Variants in LDLRAD4 observed in about 807,000 individuals in gnomAD.
LDLRAD4 encodes the protein low density lipoprotein receptor class A domain containing 4.
LDLRAD4 carries 5 observed loss-of-function variants against 17.0 expected under a neutral mutation model. That is an observed-to-expected ratio of 0.29 (90% CI 0.15 to 0.62). The LOEUF (loss-of-function observed/expected upper bound fraction) is 0.62. Among genes scored for constraint, LDLRAD4 ranks in the 20% least tolerant of loss-of-function variants. The pLI is 0.84. For missense variants in LDLRAD4, 340 were observed against 424.7 expected (o/e 0.80, Z 1.75); for synonymous variants, 168 against 171.8 (o/e 0.98, Z 0.17).
At chr18:13,635,571 T>C (rs1481828585) in intron 4 of LDLRAD4, among the ~76,000 whole-genome samples, 2 of 152,198 alleles carry the variant, frequency 1.3e-5, no homozygotes, top group Admixed American at 1.3e-4. Flanking sequence ...TGCAAATGTT[T>C]TGGTGTCAAG....
At position 13,622,251 on chromosome 18, in the gene LDLRAD4, C is replaced by T. The variant is rs908972985; in HGVS notation, c.336+980C>T. ...GGCCCTGGGACCCCTCTCAGGAGTGCAGGCTCACACTTCACTAGGATCATT... is the reference window on the plus strand; with the variant it reads ...GGCCCTGGGACCCCTCTCAGGAGTGTAGGCTCACACTTCACTAGGATCATT... On this transcript the variant is annotated intron_variant, in intron 4 of 5. Coordinates refer to ENST00000359446, the Ensembl canonical transcript of LDLRAD4. This position sits in a 1 kb window ranked among gnomAD's most constrained non-coding sequence, Gnocchi z 5.3. 1.3e-5 allele frequency among the ~76,000 whole-genome samples: 2 copies of T among 152,092 alleles called. No homozygotes were observed. Among genetic ancestry groups the T allele is most frequent in the African/African-American group, 4.8e-5 (2 of 41,416 alleles).
intron 3 of LDLRAD4, among the ~76,000 whole-genome samples, chr18:13,509,368 C>G (rs2093743028): frequency 1.3e-5 from 2 of 152,172 alleles, no homozygotes; most frequent in Admixed American, 1.3e-4. Flanking sequence ...TCCACCCCTC[C>G]TGGATGACTC....
chr18:13,627,852 G>A (rs1363183455), intron 4 of LDLRAD4, among the ~76,000 whole-genome samples: 1 of 152,258 alleles, frequency 6.6e-6, no homozygotes, highest in Non-Finnish European at 1.5e-5. Flanking sequence ...TGGCCAGAGG[G>A]CAGACGGTCC....
rs143273001 is a variant in LDLRAD4, at chr18:13,524,902, C to T, written c.181+86518C>T. 3.6e-4 allele frequency among the ~76,000 whole-genome samples: 55 copies of T among 152,302 alleles called. No individual in the cohort carries two copies. In the East Asian group the frequency reaches 9.8e-3, roughly 27 times the overall value. On this transcript the variant is annotated intron_variant, in intron 3 of 5. Transcript: ENST00000359446. Reference sequence around the variant, plus strand: ...AGAATTAAAATGCCAACTAAGTTGGCGTGTGTCACTCTCCATCTCGCCCCA... The same window carrying T: ...AGAATTAAAATGCCAACTAAGTTGGTGTGTGTCACTCTCCATCTCGCCCCA...
At chr18:13,226,483 C>A (rs938240041) in intron 1 of LDLRAD4, among the ~76,000 whole-genome samples, 3 of 151,756 alleles carry the variant, frequency 2.0e-5, no homozygotes, top group African/African-American at 7.2e-5. Context: ...CTTGTCAATG[C>A]CGAATATTAT....
intron 3 of LDLRAD4, among the ~76,000 whole-genome samples, chr18:13,547,554 C>T (rs11661055): frequency 0.24 from 36,705 of 152,126 alleles, 5,168 homozygotes; most frequent in East Asian, 0.4. Flanking sequence ...CTGTCAAGGG[C>T]GAGCCAGGTG....
chr18:13,460,602 A>G (rs1004916855), intron 3 of LDLRAD4, among the ~76,000 whole-genome samples: 1 of 152,202 alleles, frequency 6.6e-6, no homozygotes, highest in African/African-American at 2.4e-5. Context: ...GAAAAAGAAA[A>G]TTCTTCATAT....
rs553653057 is a variant in LDLRAD4 at position 13,404,336 on chromosome 18, A to T, written c.40+16574A>T. Among the ~76,000 whole-genome samples, 14 of 152,204 alleles carry T rather than the reference A, an allele frequency of 9.2e-5. No individual in the cohort carries two copies. The East Asian group carries it at 2.7e-3, about 30-fold the overall frequency. On this transcript the variant is annotated intron_variant, in intron 2 of 5. Coordinates refer to ENST00000359446, the Ensembl canonical transcript of LDLRAD4. ...TGTGCACGGGACACTCGGAGGCCGG[A>T]TGCTCAACAGAGTGGAGTGCCGCGA... is the stretch of plus-strand genomic sequence containing the variant.
Position 13,453,050 on chromosome 18 carries a change from G to A in LDLRAD4, c.181+14666G>A, listed in dbSNP as rs2091929910. 3.3e-5 allele frequency among the ~76,000 whole-genome samples: 5 copies of A among 152,228 alleles called. No individual in the cohort carries two copies. In the South Asian group the frequency reaches 8.3e-4, roughly 25 times the overall value. On this transcript the variant is annotated intron_variant, in intron 3 of 5. Coordinates refer to ENST00000359446, the Ensembl canonical transcript of LDLRAD4. ...GCTCAGCATGGGGAGCACCGCAGGGGTGCACATGAGCGAGCGTGAGGTCAC... is the reference window on the plus strand; with the variant it reads ...GCTCAGCATGGGGAGCACCGCAGGGATGCACATGAGCGAGCGTGAGGTCAC...
chr18:13,499,430 C>T (rs920969596), intron 3 of LDLRAD4, among the ~76,000 whole-genome samples: 1 of 149,572 alleles, frequency 6.7e-6, no homozygotes, highest in Non-Finnish European at 1.5e-5. Context: ...CTTCTCGCCA[C>T]ACACGTCCTG....
intron 3 of LDLRAD4, chr18:13,514,981 C>CGTCT (rs10634979): frequency 0.68 from 102,675 of 151,948 alleles, 35,061 homozygotes; most frequent in South Asian, 0.75. Flanking sequence ...CCCACCCCCA[C>CGTCT]ATTACCACTG....
intron 3 of LDLRAD4, among the ~76,000 whole-genome samples, chr18:13,513,307 G>C (rs909345465): frequency 6.6e-6 from 1 of 152,230 alleles, no homozygotes; most frequent in Non-Finnish European, 1.5e-5. Context: ...TGTAATCTGA[G>C]CTGTCTGCTG....
At chr18:13,642,963 T>A (rs1365460583) in intron 4 of LDLRAD4, among the ~76,000 whole-genome samples, 1 of 149,962 alleles carries the variant, frequency 6.7e-6, no homozygotes, top group Admixed American at 6.7e-5. Context: ...TGATACGGAG[T>A]CTCACTCTGT....
At chr18:13,225,396 A>G (rs146739294) in intron 1 of LDLRAD4, among the ~76,000 whole-genome samples, 4 of 152,344 alleles carry the variant, frequency 2.6e-5, no homozygotes, top group African/African-American at 4.8e-5. Flanking sequence ...GCTGACCCCT[A>G]TGTAGATACT....
rs115028839 is a variant in LDLRAD4 at position 13,286,578 on chromosome 18, G to A, written c.-383+8390G>A. On this transcript the variant is annotated intron_variant, in intron 1 of 5. Transcript: ENST00000359446. ...TGTAGAGATGAGGTCTCACTATGTTGCCCGGGCTGGCCTCGACCTCCTGGC... is the reference window on the plus strand; with the variant it reads ...TGTAGAGATGAGGTCTCACTATGTTACCCGGGCTGGCCTCGACCTCCTGGC... Among the ~76,000 whole-genome samples, 949 of 152,284 alleles carry A rather than the reference G, an allele frequency of 6.2e-3. 13 individuals carry two copies. The highest frequency in any genetic ancestry group is 0.022 in the African/African-American group (898 of 41,540).
At chr18:13,256,781 C>A (rs1009433556) in intron 1 of LDLRAD4, among the ~76,000 whole-genome samples, 1 of 152,138 alleles carries the variant, frequency 6.6e-6, no homozygotes, top group Non-Finnish European at 1.5e-5. Flanking sequence ...CTAAGGAAGG[C>A]GTCAAAAGCA....
intron 3 of LDLRAD4, among the ~76,000 whole-genome samples, chr18:13,529,958 G>A (rs939293950): frequency 4.6e-5 from 7 of 152,094 alleles, no homozygotes; most frequent in Admixed American, 1.3e-4. Flanking sequence ...CTCTGTAGTC[G>A]GAAGCTTTCT....
At chr18:13,338,135 A>G (rs1322142248) in intron 1 of LDLRAD4, among the ~76,000 whole-genome samples, 1 of 152,170 alleles carries the variant, frequency 6.6e-6, no homozygotes, top group Non-Finnish European at 1.5e-5. Flanking sequence ...AAATGTATAT[A>G]GGTAGACACG....
At chr18:13,482,626 G>A (rs1309433620) in intron 3 of LDLRAD4, among the ~76,000 whole-genome samples, 5 of 152,208 alleles carry the variant, frequency 3.3e-5, no homozygotes, top group Non-Finnish European at 5.9e-5. Flanking sequence ...TGCAGGGGCC[G>A]CCTCTCTGAG....
Sources: allele counts gnomAD v4.1 joint callset (sites outside exome capture counted in the v4.1 genomes callset), GRCh38; gene constraint gnomAD v4.1.1; non-coding constraint Gnocchi (gnomAD v3.1); transcripts MANE v1.5; gene names NCBI Gene and HGNC (gene_info 2026-07-23, HGNC 2026-07-21).